Variants in LINGO1 observed in about 807,000 individuals in gnomAD.
The protein encoded by LINGO1 is leucine rich repeat and Ig domain containing 1, also known as leucine-rich repeat and immunoglobulin-like domain-containing nogo receptor-interacting protein 1.
LINGO1 carries 11 observed loss-of-function variants against 37.3 expected under a neutral mutation model. The ratio of observed to expected loss-of-function variants is 0.29; its 90% CI spans 0.19 to 0.49. The LOEUF is 0.49. Ranked by LOEUF, LINGO1 falls within the 20% of genes least tolerant of loss-of-function variation. The pLI is 0.99. For missense variants in LINGO1, 585 were observed against 878.2 expected (o/e 0.67, Z 4.22); for synonymous variants, 387 against 403.0 (o/e 0.96, Z 0.48).
intron 1 of LINGO1, among the ~76,000 whole-genome samples, chr15:77,735,652 C>A (rs73465849): frequency 0.015 from 2,270 of 152,322 alleles, 71 homozygotes; most frequent in African/African-American, 0.053. Flanking sequence ...GCTTGCTGGG[C>A]TCCACCCCGA....
At chr15:77,633,030 G>A (rs539609415), upstream of LINGO1, among the ~76,000 whole-genome samples, 1 of 151,650 alleles carries the variant, frequency 6.6e-6, no homozygotes, top group Non-Finnish European at 1.5e-5. Context: ...TGGTGGGGTG[G>A]GGGGTGGTTC....
chr15:77,776,522 GAGGA>G (rs1251093795), intron 1 of LINGO1, among the ~76,000 whole-genome samples: 5,624 of 52,406 alleles, frequency 0.11, 524 homozygotes, highest in Middle Eastern at 0.19. Context: ...GGCAGGAAGG[GAGGA>G]AGGGAGGGAG....
intron 1 of LINGO1, among the ~76,000 whole-genome samples, chr15:77,692,565 T>G (rs2075622543): frequency 6.6e-6 from 1 of 152,224 alleles, no homozygotes; most frequent in Non-Finnish European, 1.5e-5. Context: ...CAGATTGAAG[T>G]TGCGGATGCA....
At chr15:77,781,449 A>C (rs1036780935) in intron 1 of LINGO1, among the ~76,000 whole-genome samples, 1 of 152,246 alleles carries the variant, frequency 6.6e-6, no homozygotes, top group Non-Finnish European at 1.5e-5. Flanking sequence ...CATTTTCATA[A>C]GACATGTTTA....
At chr15:77,712,007 T>C (rs1447107288) in intron 2 of LINGO1, among the ~76,000 whole-genome samples, 9 of 152,316 alleles carry the variant, frequency 5.9e-5, no homozygotes. Context: ...ACAGTGGTTC[T>C]GTCCCTGTGG....
At chr15:77,680,613 G>T (rs2075398310) in intron 2 of LINGO1, among the ~76,000 whole-genome samples, 1 of 152,142 alleles carries the variant, frequency 6.6e-6, no homozygotes, top group African/African-American at 2.4e-5. Flanking sequence ...CATGCAGAAG[G>T]GAGGTGTGAG....
At chr15:77,645,701 T>A (rs2074610444) in intron 3 of LINGO1, among the ~76,000 whole-genome samples, 1 of 152,194 alleles carries the variant, frequency 6.6e-6, no homozygotes, top group African/African-American at 2.4e-5. Flanking sequence ...GTCTTCCCAG[T>A]CCCACCAGAG....
chr15:77,774,324 C>T (rs1315643102), intron 1 of LINGO1, among the ~76,000 whole-genome samples: 1 of 152,066 alleles, frequency 6.6e-6, no homozygotes, highest in Non-Finnish European at 1.5e-5. Flanking sequence ...TGCCAACAGC[C>T]CTCAGCCCTC....
chr15:77,698,714 T>C (rs2075728753), upstream of LINGO1, among the ~76,000 whole-genome samples: 1 of 151,954 alleles, frequency 6.6e-6, no homozygotes, highest in Non-Finnish European at 1.5e-5. Flanking sequence ...GGCTGGAGGC[T>C]GGAAAGGGTG....
chr15:77,659,547 A>G (rs573917713), intron 3 of LINGO1, among the ~76,000 whole-genome samples: 12 of 152,294 alleles, frequency 7.9e-5, no homozygotes, highest in Admixed American at 7.2e-4. Flanking sequence ...GAGGGCATGT[A>G]GTTTGCCTGA....
chr15:77,790,667 T>C (rs1438151676), upstream of LINGO1, among the ~76,000 whole-genome samples: 1 of 152,120 alleles, frequency 6.6e-6, no homozygotes, highest in Non-Finnish European at 1.5e-5. Flanking sequence ...CAGACATTGC[T>C]GAAATCCCCA....
chr15:77,648,666 C>T (rs2074690834), intron 3 of LINGO1: 2 of 152,300 alleles, frequency 1.3e-5, no homozygotes, highest in South Asian at 4.1e-4. Context: ...CTCTCTGGGC[C>T]TCAGAGGCCT....
chr15:77,681,479 C>T (rs938646472), intron 2 of LINGO1, among the ~76,000 whole-genome samples: 6 of 152,124 alleles, frequency 3.9e-5, no homozygotes, highest in African/African-American at 1.2e-4. Context: ...TTGTAGGTTT[C>T]GACTCTATGG....
chr15:77,752,260 G>A (rs996207811), intron 1 of LINGO1, among the ~76,000 whole-genome samples: 4 of 152,134 alleles, frequency 2.6e-5, no homozygotes, highest in African/African-American at 7.2e-5. Context: ...CTGGCTCCCC[G>A]CAGAGCCCCA....
rs369805493 is a variant in LINGO1, at chr15:77,613,712, C to T, written c.*332G>A. ...TATTATTTCAAGTTTTCATAAAAAT[C>T]CATAATTATTGAAACCCAAGTTACA... On this transcript the variant is annotated 3_prime_UTR_variant, in exon 2 of 2. Transcript: ENST00000355300. The T allele has an allele frequency of 9.7e-6, 3 of 308,384 alleles. No individual in the cohort carries two copies. The highest frequency in any genetic ancestry group is 9.5e-5 in the South Asian group (1 of 10,522). 19.1% of individuals were successfully genotyped at this position (308,384 alleles called of 1,614,324 possible). A position where few individuals can be genotyped will look rare whatever the true frequency, so the allele number is the denominator to read the frequency against.
intron 2 of LINGO1, among the ~76,000 whole-genome samples, chr15:77,718,544 A>G (rs1002860869): frequency 6.6e-6 from 1 of 150,940 alleles, no homozygotes; most frequent in African/African-American, 2.4e-5. Context: ...TTTGCATGGC[A>G]CATGTCCACA....
chr15:77,674,955 A>C (rs1352285190), intron 3 of LINGO1, among the ~76,000 whole-genome samples: 1 of 152,090 alleles, frequency 6.6e-6, no homozygotes, highest in Non-Finnish European at 1.5e-5. Flanking sequence ...TACTTCCTGA[A>C]TGAGTGGATA....
chr15:77,671,951 G>A (rs932137180), intron 3 of LINGO1, among the ~76,000 whole-genome samples: 6 of 152,006 alleles, frequency 3.9e-5, no homozygotes, highest in African/African-American at 7.3e-5. Context: ...GTGGCTCATG[G>A]GCGGCTGATT....
At chr15:77,756,485 G>GACACACACACACAC (rs35031617) in intron 1 of LINGO1, among the ~76,000 whole-genome samples, 1 of 140,710 alleles carries the variant, frequency 7.1e-6, no homozygotes, top group African/African-American at 2.8e-5. Context: ...CAGACAGACA[G>GACACACACACACAC]ACACACACAC....
Sources: allele counts gnomAD v4.1 joint callset (sites outside exome capture counted in the v4.1 genomes callset), GRCh38; gene constraint gnomAD v4.1.1; transcripts MANE v1.5; gene names NCBI Gene and HGNC (gene_info 2026-07-23, HGNC 2026-07-21).